RAB38: variants seen among roughly 807,000 people sequenced by gnomAD.
RAB38 encodes the protein ras-related protein Rab-38.
Under a neutral mutation model 18.4 loss-of-function variants are expected in RAB38, and 15 were observed. The observed-to-expected ratio is 0.82, with a 90% CI of 0.55 to 1.26. The LOEUF (loss-of-function observed/expected upper bound fraction) is 1.26. Among genes scored for constraint, RAB38 ranks in the 50% most tolerant of loss-of-function variants. The pLI is 0.00. For missense variants in RAB38, 294 were observed against 267.4 expected, an observed-to-expected ratio of 1.10 and a Z score of -0.69; for synonymous variants, 101 against 104.4, an observed-to-expected ratio of 0.97 and a Z score of 0.20.
At chr11:87,921,076 G>A in the RAB38 span, among the ~76,000 whole-genome samples, 2 of 151,956 alleles carry the variant, frequency 1.3e-5, no homozygotes, top group Admixed American at 1.3e-4. Context: ...ACAAGAGGGG[G>A]TAAACCCACT....
At chr11:88,137,352 T>C (rs931138294) in intron 2 of RAB38, among the ~76,000 whole-genome samples, 2 of 152,090 alleles carry the variant, frequency 1.3e-5, no homozygotes, top group Non-Finnish European at 2.9e-5. Context: ...CAGAAAAAAC[T>C]TCAGAAAAAT....
At chr11:87,849,010 C>T in the RAB38 span, among the ~76,000 whole-genome samples, 15 of 152,004 alleles carry the variant, frequency 9.9e-5, no homozygotes, top group Non-Finnish European at 1.9e-4. Flanking sequence ...ATATTTTTCC[C>T]TCCCCAGGCT....
the RAB38 span, among the ~76,000 whole-genome samples, chr11:87,976,449 TTATAAA>T: frequency 7.3e-6 from 1 of 136,230 alleles, no homozygotes; most frequent in African/African-American, 2.6e-5. Flanking sequence ...TTTTTTATAT[TTATAAA>T]TATATATATT....
At chr11:88,053,154 A>ATATAT in the RAB38 span, among the ~76,000 whole-genome samples, 22 of 109,782 alleles carry the variant, frequency 2.0e-4, no homozygotes, top group South Asian at 1.1e-3. Context: ...TATGGAATAT[A>ATATAT]TATATACACA....
the RAB38 span, among the ~76,000 whole-genome samples, chr11:88,088,281 C>T: frequency 6.6e-6 from 1 of 151,922 alleles, no homozygotes; most frequent in Non-Finnish European, 1.5e-5. Context: ...ATTTGTAAAA[C>T]AACAAACTTA....
the RAB38 span, among the ~76,000 whole-genome samples, chr11:88,004,928 A>C: frequency 6.6e-6 from 1 of 151,516 alleles, no homozygotes; most frequent in African/African-American, 2.4e-5. Flanking sequence ...AGATTGAACA[A>C]AAATGTTCAA....
At chr11:88,087,701 T>C in the RAB38 span, among the ~76,000 whole-genome samples, 1 of 151,946 alleles carries the variant, frequency 6.6e-6, no homozygotes, top group African/African-American at 2.4e-5. Flanking sequence ...AAATTTTTTC[T>C]AGAAAAGGGG....
At chr11:88,069,237 G>T in the RAB38 span, among the ~76,000 whole-genome samples, 1 of 152,206 alleles carries the variant, frequency 6.6e-6, no homozygotes, top group Non-Finnish European at 1.5e-5. Context: ...AGCACTGCCA[G>T]CCCACCCGTG....
the RAB38 span, among the ~76,000 whole-genome samples, chr11:88,005,906 C>T: frequency 2.0e-5 from 3 of 151,482 alleles, no homozygotes; most frequent in Non-Finnish European, 3.0e-5. Flanking sequence ...TATCAGTTGT[C>T]TATAGATGCT....
the RAB38 span, among the ~76,000 whole-genome samples, chr11:87,869,821 G>A: frequency 1.3e-5 from 2 of 151,768 alleles, no homozygotes; most frequent in African/African-American, 2.4e-5. Context: ...AAATGAAGGA[G>A]ATGAGCAGTA....
At chr11:88,025,927 T>A in the RAB38 span, among the ~76,000 whole-genome samples, 1 of 152,120 alleles carries the variant, frequency 6.6e-6, no homozygotes, top group African/African-American at 2.4e-5. Context: ...GAGGACTTAC[T>A]CATAAATCAT....
chr11:88,017,364 T>TAC, the RAB38 span, among the ~76,000 whole-genome samples: 95 of 150,558 alleles, frequency 6.3e-4, no homozygotes, highest in Middle Eastern at 3.4e-3. Flanking sequence ...TATAGACACA[T>TAC]ACACACACAC....
the RAB38 span, among the ~76,000 whole-genome samples, chr11:87,921,072 G>C: frequency 6.6e-6 from 1 of 152,012 alleles, no homozygotes; most frequent in Admixed American, 6.6e-5. Flanking sequence ...ATGAACAAGA[G>C]GGGGTAAACC....
At chr11:87,815,707 A>T in the RAB38 span, 2 of 152,206 alleles carry the variant, frequency 1.3e-5, no homozygotes, top group African/African-American at 4.8e-5. Flanking sequence ...GATGGGTGAT[A>T]GTAGGTTTGT....
intron 1 of RAB38, among the ~76,000 whole-genome samples, chr11:88,160,614 A>G (rs1943178563): frequency 1.3e-5 from 2 of 152,154 alleles, no homozygotes; most frequent in Non-Finnish European, 2.9e-5. Context: ...GTTAAAGACA[A>G]CATAGTACAT....
the RAB38 span, chr11:87,880,203 A>G: frequency 1.2e-4 from 18 of 151,778 alleles, no homozygotes; most frequent in African/African-American, 1.7e-4. Context: ...AGACAATGCC[A>G]TGTGTTCACC....
At chr11:87,844,155 T>C in the RAB38 span, among the ~76,000 whole-genome samples, 5 of 152,202 alleles carry the variant, frequency 3.3e-5, no homozygotes, top group Admixed American at 2.0e-4. Flanking sequence ...AACCAAACCT[T>C]TTCCCATGGG....
chr11:88,157,985 G>A lies in RAB38; in HGVS notation c.203-8030C>T, dbSNP rs559566471. Reference sequence around the variant, plus strand: ...AAATACATACAAAGTATCAATGAAAGCAAATGTCGGTTCTTTGAAAGAATG... The same window carrying A: ...AAATACATACAAAGTATCAATGAAAACAAATGTCGGTTCTTTGAAAGAATG... On this transcript the variant is annotated intron_variant, in intron 1 of 2. Coordinates refer to ENST00000243662, the MANE Select transcript of RAB38 (RefSeq NM_022337.3). Among the ~76,000 whole-genome samples the A allele has an allele frequency of 5.0e-4, 76 of 151,944 alleles. 2 individuals are homozygous for A. The South Asian group carries it at 6.9e-3, about 14-fold the overall frequency.
the RAB38 span, among the ~76,000 whole-genome samples, chr11:87,900,313 C>CTATA: frequency 6.6e-6 from 1 of 151,366 alleles, no homozygotes; most frequent in Non-Finnish European, 1.5e-5. Flanking sequence ...ACAAACACTC[C>CTATA]CATAGTATAG....
Sources: allele counts gnomAD v4.1 joint callset (sites outside exome capture counted in the v4.1 genomes callset), GRCh38; gene constraint gnomAD v4.1.1; transcripts MANE v1.5; gene names NCBI Gene and HGNC (gene_info 2026-07-23, HGNC 2026-07-21).